The following RPL39L variants were observed in gnomAD, a reference collection of about 807,000 sequenced individuals.
RPL39L encodes ribosomal protein L39 like, also known as ribosomal protein eL39-like 2.
For synonymous variants in RPL39L, 16 were observed against 20.1 expected (o/e 0.80, Z 0.55); for missense variants, 48 against 58.9 (o/e 0.81, Z 0.61).
At chr3:187,138,559 C>T (rs1238572943) in intron 1 of RPL39L, among the ~76,000 whole-genome samples, 1 of 152,202 alleles carries the variant, frequency 6.6e-6, no homozygotes, top group Non-Finnish European at 1.5e-5. Context: ...GCAGATGAGG[C>T]AGATAGGTAA....
intron 2 of RPL39L, among the ~76,000 whole-genome samples, chr3:187,127,478 C>CTA (rs1720418854): frequency 6.6e-6 from 1 of 152,146 alleles, no homozygotes; most frequent in Non-Finnish European, 1.5e-5. Flanking sequence ...AAGCAATATG[C>CTA]GTATATTTCC....
intron 1 of RPL39L, among the ~76,000 whole-genome samples, chr3:187,128,775 C>T (rs1374662538): frequency 6.6e-6 from 1 of 152,222 alleles, no homozygotes; most frequent in African/African-American, 2.4e-5. Context: ...ATAGTCCCCA[C>T]GGCAAGGTCT....
At chr3:187,131,469 G>A (rs1455250076) in intron 1 of RPL39L, among the ~76,000 whole-genome samples, 6 of 152,174 alleles carry the variant, frequency 3.9e-5, no homozygotes, top group African/African-American at 1.2e-4. Context: ...CTCAGGAGAC[G>A]GAGGTTGCAG....
Position 187,121,097 on chromosome 3 carries a change from G to A in RPL39L, c.*48C>T, listed in dbSNP as rs368302649. 5.0e-6 allele frequency: 8 copies of A among 1,597,860 alleles called. No homozygotes were observed. Among genetic ancestry groups the A allele is most frequent in the East Asian group, 4.5e-5 (2 of 44,816 alleles). On this transcript the variant is annotated 3_prime_UTR_variant, in exon 3 of 3. Coordinates refer to ENST00000296277, the MANE Select transcript of RPL39L (RefSeq NM_052969.3). ...TTCAGCTTGATATCGTAAGATGATCGTGAACTTGATACAGCATAAATATGT... is the reference window on the plus strand; with the variant it reads ...TTCAGCTTGATATCGTAAGATGATCATGAACTTGATACAGCATAAATATGT...
At position 187,121,324 on chromosome 3, in the gene RPL39L, C is replaced by G; in HGVS notation, c.-24G>C. ...ATGGCGAGAAACAGAGTCAACCACA[C>G]ACCACTATGGCGGAGAAAGGGAGAG... On this transcript the variant is annotated 5_prime_UTR_variant, in exon 3 of 3. Coordinates refer to ENST00000296277, the MANE Select transcript of RPL39L (RefSeq NM_052969.3). 5 of 1,613,328 alleles carry G rather than the reference C, an allele frequency of 3.1e-6. No homozygotes were observed. The highest frequency in any genetic ancestry group is 4.2e-6 in the Non-Finnish European group (5 of 1,179,504).
intron 1 of RPL39L, among the ~76,000 whole-genome samples, chr3:187,130,249 G>A (rs1720464161): frequency 6.6e-6 from 1 of 152,154 alleles, no homozygotes; most frequent in Non-Finnish European, 1.5e-5. Flanking sequence ...CACCTTCAAA[G>A]CAAAGTTCTT....
At chr3:187,138,049 C>A (rs532799686) in intron 1 of RPL39L, among the ~76,000 whole-genome samples, 4 of 152,218 alleles carry the variant, frequency 2.6e-5, no homozygotes, top group Admixed American at 6.5e-5. Context: ...GATTACAAAG[C>A]CTTTATGATT....
At chr3:187,138,948 A>C (rs1720635668) in intron 1 of RPL39L, among the ~76,000 whole-genome samples, 1 of 152,074 alleles carries the variant, frequency 6.6e-6, no homozygotes, top group Non-Finnish European at 1.5e-5. Context: ...AACCCCAGCT[A>C]CTCAGGAGGC....
intron 1 of RPL39L, among the ~76,000 whole-genome samples, chr3:187,134,213 A>G (rs534101234): frequency 7.9e-5 from 12 of 152,208 alleles, no homozygotes; most frequent in Non-Finnish European, 1.3e-4. Context: ...TTTACATTAA[A>G]TGAATATGCT....
chr3:187,138,236 CGGGGA>C (rs1720619210), intron 1 of RPL39L, among the ~76,000 whole-genome samples: 1 of 148,492 alleles, frequency 6.7e-6, no homozygotes, highest in Non-Finnish European at 1.5e-5. Flanking sequence ...GTGGAGGTGG[CGGGGA>C]GGGGAGGCGG....
intron 2 of RPL39L, among the ~76,000 whole-genome samples, chr3:187,123,306 A>G (rs1442606097): frequency 6.6e-6 from 1 of 152,220 alleles, no homozygotes; most frequent in African/African-American, 2.4e-5. Context: ...ATTGAAAACT[A>G]AGCCGCAAGT....
chr3:187,137,190 C>A (rs1451693007), intron 1 of RPL39L, among the ~76,000 whole-genome samples: 1 of 112,742 alleles, frequency 8.9e-6, no homozygotes, highest in African/African-American at 3.7e-5. Context: ...CAGAACAACA[C>A]TCTTCCTCAA....
At chr3:187,127,602 T>C (rs1027430398) in intron 2 of RPL39L, among the ~76,000 whole-genome samples, 5 of 152,206 alleles carry the variant, frequency 3.3e-5, no homozygotes, top group Non-Finnish European at 7.3e-5. Flanking sequence ...AGATAACTGG[T>C]TTCCCTTTCC....
rs114736828 is a variant in RPL39L, at chr3:187,126,473, C to G, written c.-29+1526G>C. 4.8e-3 allele frequency among the ~76,000 whole-genome samples: 725 copies of G among 152,088 alleles called. 6 individuals are homozygous for G. The highest frequency in any genetic ancestry group is 0.017 in the African/African-American group (685 of 41,496). On this transcript the variant is annotated intron_variant, in intron 2 of 2. Transcript: ENST00000296277. ...GCCACCACGCCCGGCCCATCTATTG[C>G]TTTTTAATGTTTTGAAAAACCACAG... is the stretch of plus-strand genomic sequence containing the variant.
Position 187,134,655 on chromosome 3 carries a change from T to C in RPL39L, c.-93+4558A>G, listed in dbSNP as rs75948643. Among the ~76,000 whole-genome samples the C allele has an allele frequency of 5.7e-3, 871 of 152,294 alleles. 16 individuals carry two copies. Among genetic ancestry groups the C allele is most frequent in the East Asian group, 0.053 (274 of 5,192 alleles). ...TGTAAGGAAATGGACCGATTCCTTATGAGATGGGTACCACCAAAGCTCATG... is the reference window on the plus strand; with the variant it reads ...TGTAAGGAAATGGACCGATTCCTTACGAGATGGGTACCACCAAAGCTCATG... On this transcript the variant is annotated intron_variant, in intron 1 of 2. Transcript: ENST00000296277.
rs573739868 is a variant in RPL39L at position 187,139,460 on chromosome 3, A to T, written c.-340T>A. ...CGGAGGCGGTTGCCTCGCTGGGCGCAGCAATTCAACCGCCGCGCGCCGGAT... is the reference window on the plus strand; with the variant it reads ...CGGAGGCGGTTGCCTCGCTGGGCGCTGCAATTCAACCGCCGCGCGCCGGAT... On this transcript the variant is annotated 5_prime_UTR_variant, in exon 1 of 3. Coordinates refer to ENST00000296277, the MANE Select transcript of RPL39L (RefSeq NM_052969.3). 79 of 152,282 alleles carry T rather than the reference A, an allele frequency of 5.2e-4. No homozygotes were observed. Among genetic ancestry groups the T allele is most frequent in the African/African-American group, 1.8e-3 (76 of 41,570 alleles). 9.4% of individuals were successfully genotyped at this position (152,282 alleles called of 1,614,324 possible).
At chr3:187,134,693 C>T (rs537035370) in intron 1 of RPL39L, among the ~76,000 whole-genome samples, 1 of 152,232 alleles carries the variant, frequency 6.6e-6, no homozygotes, top group African/African-American at 2.4e-5. Context: ...AGTGCATAAC[C>T]TAAGTAGTTC....
chr3:187,120,960 A>C lies in RPL39L; in HGVS notation c.*185T>G. 1.5e-6 allele frequency: 1 copy of C among 647,828 alleles called. No individual in the cohort carries two copies. The highest frequency in any genetic ancestry group is 2.9e-5 in the Admixed American group (1 of 34,592). The allele number at this position is 647,828 out of a possible 1,614,324, so 40.1% of individuals were successfully genotyped here. A position where few individuals can be genotyped will look rare whatever the true frequency, so the allele number is the denominator to read the frequency against. On this transcript the variant is annotated 3_prime_UTR_variant, in exon 3 of 3. Coordinates refer to ENST00000296277, the MANE Select transcript of RPL39L (RefSeq NM_052969.3). ...GATGACAGAGACATTTTTGAAACAA[A>C]AGCTTTCACATATTTATTACTGAAT...
intron 1 of RPL39L, among the ~76,000 whole-genome samples, chr3:187,130,911 T>C (rs1337537318): frequency 1.3e-5 from 2 of 152,224 alleles, no homozygotes; most frequent in Non-Finnish European, 2.9e-5. Context: ...CTGCATCACA[T>C]GACATTTGTA....
Sources: gnomAD v4.1 joint callset for allele counts (sites outside exome capture counted in the v4.1 genomes callset) on GRCh38, gnomAD v4.1.1 for gene constraint, MANE v1.5 for transcripts, NCBI Gene and HGNC (gene_info 2026-07-23, HGNC 2026-07-21) for gene names.